The following SGSM2 variants were observed in gnomAD, a reference collection of about 807,000 sequenced individuals.
The protein encoded by SGSM2 is small G protein signaling modulator 2.
A neutral mutation model predicts 126.6 loss-of-function variants in SGSM2; 89 were observed. The ratio of observed to expected loss-of-function variants is 0.70; its 90% confidence interval spans 0.59 to 0.84. The LOEUF is 0.84. SGSM2 is among the 40% of genes least tolerant of loss of function. The probability of loss-of-function intolerance (pLI) is 0.00; values close to 1 mark genes in which losing one functional copy is unlikely to be tolerated. For synonymous variants in SGSM2, 614 were observed against 574.3 expected, an observed-to-expected ratio of 1.07 and a Z score of -0.99; for missense variants, 1,404 against 1,416.6, an observed-to-expected ratio of 0.99 and a Z score of 0.14.
At chr17:2,377,341 G>A (rs752411821) in intron 21 of SGSM2, 25 of 357,680 alleles carry the variant, frequency 7.0e-5, no homozygotes, top group South Asian at 3.8e-4. Context: ...AAAATTAGCC[G>A]GGCGTGGTGG....
chr17:2,361,903 C>A, intron 3 of SGSM2, 104 bp downstream of exon 3: 1 of 1,400,950 alleles, frequency 7.1e-7, no homozygotes, highest in East Asian at 2.3e-5. Context: ...TGGGCCTGTT[C>A]CTTGCAGGGC....
intron 17 of SGSM2, chr17:2,374,922 A>T (rs1448012613): frequency 6.6e-6 from 1 of 152,258 alleles, no homozygotes; most frequent in African/African-American, 2.4e-5. Context: ...TGCCTTGTCC[A>T]TGGTGGTGGA....
At chr17:2,378,333 T>C (rs2066273197) in intron 22 of SGSM2, among the ~76,000 whole-genome samples, 1 of 152,064 alleles carries the variant, frequency 6.6e-6, no homozygotes, top group African/African-American at 2.4e-5. Context: ...CCCAGCACTT[T>C]GGGAGGCCAA....
intron 12 of SGSM2, among the ~76,000 whole-genome samples, chr17:2,368,308 C>G (rs1319468057): frequency 6.6e-6 from 1 of 152,178 alleles, no homozygotes; most frequent in African/African-American, 2.4e-5. Flanking sequence ...AAGCAATCAG[C>G]CAGGCGACCT....
chr17:2,366,011 T>C (rs1423397874), intron 11 of SGSM2, among the ~76,000 whole-genome samples: 1 of 152,188 alleles, frequency 6.6e-6, no homozygotes, highest in Non-Finnish European at 1.5e-5. Flanking sequence ...CCCAAAGTGC[T>C]AGGGTTACAG....
intron 11 of SGSM2, chr17:2,366,575 CAAAG>C (rs2065597829): frequency 6.6e-6 from 1 of 152,428 alleles, no homozygotes; most frequent in Admixed American, 6.5e-5. Flanking sequence ...ATGTACCTGA[CAAAG>C]AGACGCATCT....
chr17:2,351,375 G>A lies in SGSM2; in HGVS notation c.133+7755G>A, dbSNP rs191576940. ...CAGGAGTAGAGACTAGAGGGGCGGC[G>A]GCATTGAGGAGTTGGCCCTCATGCA... On this transcript the variant is annotated intron_variant, in intron 2 of 23. Transcript: ENST00000268989. Among the ~76,000 whole-genome samples the A allele has an allele frequency of 1.3e-4, 20 of 152,274 alleles. No individual in the cohort carries two copies. In the East Asian group the frequency reaches 2.7e-3, roughly 21 times the overall value.
chr17:2,340,849 G>T (rs1298379270), intron 1 of SGSM2, among the ~76,000 whole-genome samples: 1 of 152,218 alleles, frequency 6.6e-6, no homozygotes, highest in Admixed American at 6.5e-5. Flanking sequence ...CTCCCAAAGT[G>T]CTGGGATTAT....
chr17:2,370,535 C>T (rs1381437527), intron 12 of SGSM2, among the ~76,000 whole-genome samples: 2 of 152,274 alleles, frequency 1.3e-5, no homozygotes, highest in Non-Finnish European at 2.9e-5. Flanking sequence ...GCAGTGGCCT[C>T]GTAGTCCTGG....
chr17:2,340,798 ATGGT>A (rs1567795757), intron 1 of SGSM2, among the ~76,000 whole-genome samples: 7 of 151,868 alleles, frequency 4.6e-5, no homozygotes, highest in Non-Finnish European at 8.8e-5. Context: ...GTTAGCCAGG[ATGGT>A]CTCGATCTCC....
At chr17:2,365,743 C>CTTTT (rs946989393) in intron 11 of SGSM2, among the ~76,000 whole-genome samples, 4 of 129,518 alleles carry the variant, frequency 3.1e-5, no homozygotes, top group African/African-American at 1.2e-4. Flanking sequence ...ACCAGCGCTA[C>CTTTT]TTTTTTTTTT....
At chr17:2,376,848 G>A (rs747308087) in intron 20 of SGSM2, 33 bp downstream of exon 20, 139 of 1,612,866 alleles carry the variant, frequency 8.6e-5, no homozygotes, top group Middle Eastern at 1.6e-4. Flanking sequence ...ACTGGGCTGC[G>A]TAAGCTGGAG....
chr17:2,362,037 C>T lies in SGSM2; in HGVS notation c.297-72C>T, dbSNP rs1002189182. ...GCTCCCATCTTGGGGTACCAAGCCCCACTCCCAATGCCAGCATTCTGGGGT... is the reference window on the plus strand; with the variant it reads ...GCTCCCATCTTGGGGTACCAAGCCCTACTCCCAATGCCAGCATTCTGGGGT... On this transcript the variant is annotated intron_variant, in intron 3 of 23. Transcript: ENST00000268989. The surrounding 1 kb of genome is among the most constrained non-coding windows in gnomAD (Gnocchi z 4.9). 3 of 1,529,870 alleles carry T rather than the reference C, an allele frequency of 2.0e-6. No individual in the cohort carries two copies. Among genetic ancestry groups the T allele is most frequent in the African/African-American group, 2.8e-5 (2 of 72,344 alleles). 94.8% of individuals were successfully genotyped at this position (1,529,870 alleles called of 1,614,324 possible).
chr17:2,364,554 C>A (rs1042869386), intron 8 of SGSM2, 42 bp from the exon 9 acceptor site: 33 of 1,600,288 alleles, frequency 2.1e-5, no homozygotes, highest in Non-Finnish European at 2.8e-5. Flanking sequence ...GGAAGGATGG[C>A]AGGTCTTTGG....
intron 1 of SGSM2, among the ~76,000 whole-genome samples, chr17:2,341,972 A>G (rs1462810004): frequency 6.6e-6 from 1 of 152,218 alleles, no homozygotes; most frequent in East Asian, 1.9e-4. Flanking sequence ...CACCACGGAG[A>G]GTGAACAACC....
At chr17:2,354,299 C>T (rs1162070090) in intron 2 of SGSM2, among the ~76,000 whole-genome samples, 2 of 152,138 alleles carry the variant, frequency 1.3e-5, no homozygotes, top group African/African-American at 2.4e-5. Context: ...CCACCCGCCT[C>T]GGCCTCCCAA....
chr17:2,371,216 GAGA>G (rs934111966), intron 12 of SGSM2, 43 bp from the exon 13 acceptor site: 5 of 1,579,498 alleles, frequency 3.2e-6, no homozygotes, highest in Non-Finnish European at 4.3e-6. Flanking sequence ...GTGCCTGGGA[GAGA>G]AGGTGTCTCA....
At chr17:2,371,589 A>C in intron 13 of SGSM2, 174 bp downstream of exon 13, 1 of 724,904 alleles carries the variant, frequency 1.4e-6, no homozygotes, top group Non-Finnish European at 2.2e-6. Flanking sequence ...TGGAATTACC[A>C]TGAGCCTCTA....
At chr17:2,366,990 G>A (rs2429909) in intron 11 of SGSM2, 150,723 of 389,370 alleles carry the variant, frequency 0.39, 30,463 homozygotes, top group East Asian at 0.55. Context: ...AGACAGTCCC[G>A]GTCTTTCACA....
Sources: allele counts gnomAD v4.1 joint callset (sites outside exome capture counted in the v4.1 genomes callset), GRCh38; gene constraint gnomAD v4.1.1; non-coding constraint Gnocchi (gnomAD v3.1); transcripts MANE v1.5; gene names NCBI Gene and HGNC (gene_info 2026-07-23, HGNC 2026-07-21).